Variants in PCNX2 observed in about 807,000 individuals in gnomAD.
The protein encoded by PCNX2 is pecanex 2, also known as pecanex-like protein 2.
A neutral mutation model predicts 223.8 loss-of-function variants in PCNX2; 168 were observed. The ratio of observed to expected loss-of-function variants is 0.75; its 90% CI spans 0.66 to 0.85. PCNX2 has a LOEUF of 0.85. Ranked by LOEUF, PCNX2 falls within the 40% of genes least tolerant of loss-of-function variation. PCNX2 has a pLI of 0.00. For synonymous variants in PCNX2, 1,006 were observed against 1,052.6 expected, an observed-to-expected ratio of 0.96 and a Z score of 0.86; for missense variants, 2,507 against 2,675.5, an observed-to-expected ratio of 0.94 and a Z score of 1.39.
At chr1:233,011,521 G>A (rs557052399) in intron 28 of PCNX2, among the ~76,000 whole-genome samples, 2 of 152,264 alleles carry the variant, frequency 1.3e-5, no homozygotes, top group South Asian at 2.1e-4. Flanking sequence ...TGCACAGAGA[G>A]GCCAAGAAGA....
intron 20 of PCNX2, among the ~76,000 whole-genome samples, chr1:233,136,777 C>A (rs1285598440): frequency 6.6e-6 from 1 of 151,714 alleles, no homozygotes; most frequent in East Asian, 1.9e-4. Flanking sequence ...AACCTAAAAA[C>A]CCCTGTGGAA....
At chr1:233,089,049 CA>C (rs1165305965) in intron 23 of PCNX2, among the ~76,000 whole-genome samples, 3 of 152,124 alleles carry the variant, frequency 2.0e-5, no homozygotes, top group Non-Finnish European at 4.4e-5. Context: ...TAAGCCACAC[CA>C]CCTGTGCCAG....
chr1:232,991,069 C>G lies in PCNX2; in HGVS notation c.5792-4529G>C, dbSNP rs1469943853. ...ACCGTGGGCTGCACTGTCCTAGGTG[C>G]CGGGCAGTGAGCAGCTCATGGGAAA... is the stretch of plus-strand genomic sequence containing the variant. On this transcript the variant is annotated intron_variant, in intron 32 of 33. Transcript: ENST00000258229. The surrounding 1 kb of genome is among the most constrained non-coding windows in gnomAD (Gnocchi z 4.3). Among the ~76,000 whole-genome samples, 2 of 152,166 alleles carry G rather than the reference C, an allele frequency of 1.3e-5. No homozygotes were observed. Among genetic ancestry groups the G allele is most frequent in the Non-Finnish European group, 2.9e-5 (2 of 68,040 alleles).
chr1:233,196,673 G>A (rs1680753812), intron 15 of PCNX2, among the ~76,000 whole-genome samples: 1 of 152,086 alleles, frequency 6.6e-6, no homozygotes, highest in Non-Finnish European at 1.5e-5. Context: ...GTTCACACGA[G>A]AATGGATTTA....
At chr1:233,248,571 C>T (rs1659264053) in intron 8 of PCNX2, among the ~76,000 whole-genome samples, 1 of 151,986 alleles carries the variant, frequency 6.6e-6, no homozygotes. Flanking sequence ...CAAAACTAGG[C>T]CCCAATGACT....
chr1:233,262,051 C>A lies in PCNX2; in HGVS notation c.474G>T (p.Gly158=). 6 of 1,613,690 alleles carry A rather than the reference C, an allele frequency of 3.7e-6. No individual in the cohort carries two copies. Among genetic ancestry groups the A allele is most frequent in the Non-Finnish European group, 5.1e-6 (6 of 1,179,712 alleles). Residue 158 remains glycine, a synonymous_variant, in exon 3 of 34, where the codon GGG becomes GGT. Transcript: ENST00000258229. ...GQSITSHHSS[G]PLELSAQETV... ...AGGAAAGAAGACCACTAACCAATGGCCCAGAAGAGTGATGAGAGGTTATGC... is the reference window on the plus strand; with the variant it reads ...AGGAAAGAAGACCACTAACCAATGGACCAGAAGAGTGATGAGAGGTTATGC...
At chr1:233,171,044 T>C (rs900732908) in intron 17 of PCNX2, among the ~76,000 whole-genome samples, 1 of 152,248 alleles carries the variant, frequency 6.6e-6, no homozygotes, top group Non-Finnish European at 1.5e-5. Flanking sequence ...ATTAGGGACA[T>C]TCAATCTGTA....
intron 25 of PCNX2, among the ~76,000 whole-genome samples, chr1:233,034,594 G>A (rs1671385029): frequency 6.6e-6 from 1 of 152,202 alleles, no homozygotes; most frequent in Non-Finnish European, 1.5e-5. Context: ...CTCTCTGAGA[G>A]GCACAGGATT....
intron 21 of PCNX2, among the ~76,000 whole-genome samples, chr1:233,110,006 T>A (rs1675024481): frequency 3.9e-5 from 6 of 152,102 alleles, no homozygotes; most frequent in Admixed American, 3.9e-4. Context: ...GGAGAATCAC[T>A]TGAACCCAGG....
chr1:233,160,301 G>A lies in PCNX2; in HGVS notation c.3499C>T (p.His1167Tyr). 1 of 1,610,024 alleles carries A rather than the reference G, an allele frequency of 6.2e-7. No individual in the cohort carries two copies. Reference protein sequence around the residue: ...SHPILKNKEYHQREVRDVAHL... With the variant: ...SHPILKNKEYYQREVRDVAHL... Reference sequence around the variant, plus strand: ...TACTAACCTCTCACTTCCCGTTGATGATACTCTTTGTTTTTGAGAATGGGG... The same window carrying A: ...TACTAACCTCTCACTTCCCGTTGATAATACTCTTTGTTTTTGAGAATGGGG... Residue 1167 changes from histidine (H) to tyrosine (Y), a missense_variant, in exon 19 of 34, where the codon CAT (histidine) becomes TAT (tyrosine). His to Tyr is a moderately conservative substitution (Grantham distance 83). This residue lies in a region of PCNX2 where 1,372 missense variants were observed against 1,509.4 expected (regional missense o/e 0.91). Transcript: ENST00000258229.
At chr1:233,311,790 T>C in the PCNX2 span, among the ~76,000 whole-genome samples, 1 of 152,160 alleles carries the variant, frequency 6.6e-6, no homozygotes, top group East Asian at 1.9e-4. Context: ...TTGATAACTA[T>C]AATTGCAGTA....
At chr1:233,169,392 A>G (rs1456198398) in intron 17 of PCNX2, among the ~76,000 whole-genome samples, 8 of 151,642 alleles carry the variant, frequency 5.3e-5, no homozygotes, top group Non-Finnish European at 1.2e-4. Context: ...CACGCCTGTA[A>G]TCCCAGCACT....
At chr1:233,261,430 G>A in intron 3 of PCNX2, 109 bp from the exon 4 acceptor site, 4 of 977,942 alleles carry the variant, frequency 4.1e-6, no homozygotes, top group Non-Finnish European at 6.5e-6. Flanking sequence ...TGGCATGTAG[G>A]GGAGAGACAA....
rs1437921261 is a variant in PCNX2 at position 233,259,164 on chromosome 1, C to G, written c.698G>C (p.Gly233Ala). The change falls in exon 5 of 34, where the codon GGC (glycine) becomes GCC (alanine). Residue 233 changes from glycine (G) to alanine (A), a missense_variant. Gly to Ala is a moderately conservative substitution (Grantham distance 60). This residue lies in a region of PCNX2 where 1,031 missense variants were observed against 1,021.7 expected (regional missense o/e 1.01). Coordinates refer to ENST00000258229, the MANE Select transcript of PCNX2 (RefSeq NM_014801.4). ...GTGGCGCAAAGGAGGCTGCCCCTTG[C>G]CTCCTCTTTCCTTTCCTTTACCATT... ...LINGKGKERGGKGQPPLRHRS... is the reference protein window; with the variant it reads ...LINGKGKERGAKGQPPLRHRS... 1 of 1,613,838 alleles carries G rather than the reference C, an allele frequency of 6.2e-7. No individual in the cohort carries two copies. The highest frequency in any genetic ancestry group is 1.3e-5 in the African/African-American group (1 of 74,908).
intron 25 of PCNX2, among the ~76,000 whole-genome samples, chr1:233,045,684 C>T (rs1671801714): frequency 6.6e-6 from 1 of 152,202 alleles, no homozygotes; most frequent in Non-Finnish European, 1.5e-5. Context: ...GTTAAACCCA[C>T]ATCAGACATT....
At chr1:233,052,032 A>T (rs1231775000) in intron 25 of PCNX2, among the ~76,000 whole-genome samples, 1 of 152,132 alleles carries the variant, frequency 6.6e-6, no homozygotes, top group Non-Finnish European at 1.5e-5. Flanking sequence ...TAGGGGAATT[A>T]TCCCTTCTGT....
intron 9 of PCNX2, among the ~76,000 whole-genome samples, chr1:233,235,958 ATATATATATAT>A (rs1466387463): frequency 5.2e-5 from 1 of 19,362 alleles, no homozygotes; most frequent in Non-Finnish European, 1.8e-4. Flanking sequence ...ATAAAAAAAA[ATATATATATAT>A]ATATATATAT....
upstream of PCNX2, among the ~76,000 whole-genome samples, chr1:233,296,695 G>A (rs114856083): frequency 0.02 from 3,007 of 152,190 alleles, 99 homozygotes; most frequent in African/African-American, 0.068. Context: ...TTCCCAACAC[G>A]CCTTCCCTGC....
intron 12 of PCNX2, among the ~76,000 whole-genome samples, chr1:233,212,231 A>G (rs560216177): frequency 6.6e-6 from 1 of 152,262 alleles, no homozygotes; most frequent in South Asian, 2.1e-4. Context: ...CTGTGACCCT[A>G]CACAGCAAAT....
Sources: allele counts gnomAD v4.1 joint callset (sites outside exome capture counted in the v4.1 genomes callset), GRCh38; gene constraint gnomAD v4.1.1; regional missense constraint gnomAD v4.1.1; non-coding constraint Gnocchi (gnomAD v3.1); transcripts MANE v1.5; gene names NCBI Gene and HGNC (gene_info 2026-07-23, HGNC 2026-07-21).